Variants in ADRA1B observed in about 807,000 individuals in gnomAD.
ADRA1B encodes the protein alpha-1B adrenergic receptor.
A neutral mutation model predicts 17.9 loss-of-function variants in ADRA1B; 17 were observed. The ratio of observed to expected loss-of-function variants is 0.95; its 90% CI spans 0.65 to 1.42. The LOEUF (loss-of-function observed/expected upper bound fraction) is 1.42. Among genes scored for constraint, ADRA1B ranks in the 40% most tolerant of loss-of-function variants. ADRA1B has a pLI of 0.00. For missense variants in ADRA1B, 681 were observed against 722.1 expected (o/e 0.94, Z 0.65); for synonymous variants, 366 against 327.6 (o/e 1.12, Z -1.27).
chr5:159,960,065 A>C (rs1520245), intron 1 of ADRA1B, among the ~76,000 whole-genome samples: 1 of 152,178 alleles, frequency 6.6e-6, no homozygotes, highest in East Asian at 1.9e-4. Flanking sequence ...AGGCACCCTC[A>C]TGCCTATTGT....
chr5:159,886,169 T>C (rs1384772516), intron 1 of ADRA1B, among the ~76,000 whole-genome samples: 1 of 152,228 alleles, frequency 6.6e-6, no homozygotes, highest in Non-Finnish European at 1.5e-5. Context: ...GGAGCTAGTG[T>C]AGCCAGTGCC....
intron 1 of ADRA1B, among the ~76,000 whole-genome samples, chr5:159,953,293 G>C (rs1161692267): frequency 6.6e-6 from 1 of 152,204 alleles, no homozygotes; most frequent in African/African-American, 2.4e-5. Context: ...CTGGGAGGCA[G>C]AGTTTGCAGT....
At chr5:159,906,279 C>G (rs1754160214) in intron 1 of ADRA1B, among the ~76,000 whole-genome samples, 1 of 151,904 alleles carries the variant, frequency 6.6e-6, no homozygotes, top group Non-Finnish European at 1.5e-5. Flanking sequence ...GTTAAGAACC[C>G]TCTCTATAGA....
At chr5:159,930,245 G>T (rs950641511) in intron 1 of ADRA1B, among the ~76,000 whole-genome samples, 6 of 152,346 alleles carry the variant, frequency 3.9e-5, no homozygotes, top group Admixed American at 2.0e-4. Flanking sequence ...AAATGTAGTT[G>T]CTGGGGCAAG....
downstream of ADRA1B, among the ~76,000 whole-genome samples, chr5:159,977,854 T>A (rs1209394663): frequency 6.6e-6 from 1 of 151,948 alleles, no homozygotes; most frequent in Non-Finnish European, 1.5e-5. Context: ...GCCTCACAAC[T>A]CCCAGCTCAG....
intron 1 of ADRA1B, among the ~76,000 whole-genome samples, chr5:159,920,906 T>C (rs2113162021): frequency 6.6e-6 from 1 of 152,278 alleles, no homozygotes; most frequent in South Asian, 2.1e-4. Flanking sequence ...GGGGGAGGAC[T>C]GTGTTTGGCA....
At chr5:159,922,290 A>T (rs1244042500) in intron 1 of ADRA1B, among the ~76,000 whole-genome samples, 2 of 152,214 alleles carry the variant, frequency 1.3e-5, no homozygotes, top group Non-Finnish European at 2.9e-5. Context: ...TTTATGGATG[A>T]ATATACTGAA....
intron 1 of ADRA1B, among the ~76,000 whole-genome samples, chr5:159,922,573 T>C (rs1754516108): frequency 6.6e-6 from 1 of 152,166 alleles, no homozygotes; most frequent in South Asian, 2.1e-4. Flanking sequence ...AACCAACCTA[T>C]GACATATCAG....
chr5:159,882,805 A>T (rs1753876447), intron 1 of ADRA1B, among the ~76,000 whole-genome samples: 1 of 152,056 alleles, frequency 6.6e-6, no homozygotes, highest in South Asian at 2.1e-4. Flanking sequence ...TGGCAAAGGG[A>T]CCCTGTAACT....
intron 1 of ADRA1B, among the ~76,000 whole-genome samples, chr5:159,958,769 T>C (rs1239125835): frequency 1.3e-5 from 2 of 152,252 alleles, no homozygotes; most frequent in East Asian, 1.9e-4. Context: ...TCTTCACTTA[T>C]AGATGTCTTC....
chr5:159,968,544 G>A (rs914856024), intron 1 of ADRA1B, among the ~76,000 whole-genome samples: 6 of 152,022 alleles, frequency 3.9e-5, no homozygotes, highest in South Asian at 4.2e-4. Flanking sequence ...GGATGGTCTC[G>A]AACTCCTGGT....
chr5:159,896,089 C>A (rs550176065), intron 1 of ADRA1B, among the ~76,000 whole-genome samples: 5 of 152,242 alleles, frequency 3.3e-5, no homozygotes, highest in African/African-American at 1.2e-4. Flanking sequence ...ATCTGGTATC[C>A]CCAGGACCTA....
upstream of ADRA1B, chr5:159,916,371 T>C (rs1212779807): frequency 6.6e-6 from 1 of 151,264 alleles, no homozygotes; most frequent in Admixed American, 6.6e-5. Flanking sequence ...GCTTCCCGGC[T>C]TGCGGGGTGG....
chr5:159,974,002 T>C (rs1358201928), downstream of ADRA1B, among the ~76,000 whole-genome samples: 3 of 152,226 alleles, frequency 2.0e-5, no homozygotes, highest in Admixed American at 6.5e-5. Flanking sequence ...TTCATAATTT[T>C]GCAAATGGCA....
intron 1 of ADRA1B, among the ~76,000 whole-genome samples, chr5:159,892,460 A>T (rs1185351899): frequency 1.3e-5 from 2 of 152,094 alleles, no homozygotes; most frequent in Non-Finnish European, 2.9e-5. Context: ...TCCACTAGCT[A>T]TTCTTCCTGA....
upstream of ADRA1B, among the ~76,000 whole-genome samples, chr5:159,913,934 G>A (rs1318490544): frequency 2.0e-5 from 3 of 152,128 alleles, no homozygotes; most frequent in African/African-American, 4.8e-5. Flanking sequence ...TACGTGCCAG[G>A]TTACTGGTAT....
At chr5:159,893,346 A>G (rs955170158) in intron 1 of ADRA1B, among the ~76,000 whole-genome samples, 1 of 152,278 alleles carries the variant, frequency 6.6e-6, no homozygotes, top group Non-Finnish European at 1.5e-5. Context: ...AAAACAATTA[A>G]ATGAGATAAT....
chr5:159,920,712 T>C (rs1754454636), intron 1 of ADRA1B, among the ~76,000 whole-genome samples: 1 of 152,212 alleles, frequency 6.6e-6, no homozygotes, highest in Non-Finnish European at 1.5e-5. Flanking sequence ...ACTGTTTTCT[T>C]AATGATTCAG....
chr5:159,970,189 A>G (rs559051471), intron 1 of ADRA1B, among the ~76,000 whole-genome samples: 12 of 152,218 alleles, frequency 7.9e-5, no homozygotes, highest in Admixed American at 7.2e-4. Context: ...CTCTCTTATT[A>G]TATTGATTTA....
Sources: gnomAD v4.1 joint callset for allele counts (sites outside exome capture counted in the v4.1 genomes callset) on GRCh38, gnomAD v4.1.1 for gene constraint, MANE v1.5 for transcripts, NCBI Gene and HGNC (gene_info 2026-07-23, HGNC 2026-07-21) for gene names.